The following TOX variants were observed in gnomAD, a reference collection of about 807,000 sequenced individuals.
TOX encodes the protein thymocyte selection associated high mobility group box.
A neutral mutation model predicts 53.7 loss-of-function variants in TOX; 11 were observed. The observed-to-expected ratio is 0.20, with a 90% CI of 0.13 to 0.34. The LOEUF (loss-of-function observed/expected upper bound fraction) is 0.34. TOX is among the 10% of genes least tolerant of loss of function. TOX has a pLI of 1.00. For missense variants in TOX, 570 were observed against 664.6 expected (o/e 0.86, Z 1.56); for synonymous variants, 225 against 245.3 (o/e 0.92, Z 0.77).
chr8:59,034,238 TA>T (rs1814413875), intron 1 of TOX, among the ~76,000 whole-genome samples: 1 of 152,204 alleles, frequency 6.6e-6, no homozygotes, highest in Non-Finnish European at 1.5e-5. Flanking sequence ...AAACGATCAT[TA>T]ATAAGTTAAC....
chr8:58,986,416 A>G (rs1489936429), intron 1 of TOX, among the ~76,000 whole-genome samples: 1 of 152,224 alleles, frequency 6.6e-6, no homozygotes, highest in Non-Finnish European at 1.5e-5. Flanking sequence ...CCTGGTACTG[A>G]GTTCATGCAG....
intron 1 of TOX, among the ~76,000 whole-genome samples, chr8:59,067,300 T>A (rs1043225114): frequency 1.3e-5 from 2 of 152,190 alleles, no homozygotes; most frequent in African/African-American, 4.8e-5. Flanking sequence ...ACCCCCATAA[T>A]CCCAGCACTT....
intron 4 of TOX, among the ~76,000 whole-genome samples, chr8:58,847,636 T>G (rs1046647697): frequency 6.6e-6 from 1 of 151,764 alleles, no homozygotes; most frequent in African/African-American, 2.4e-5. Flanking sequence ...GAATGAAAAT[T>G]TCCCCAAAAT....
At chr8:59,081,319 G>A (rs1396440094) in intron 1 of TOX, among the ~76,000 whole-genome samples, 1 of 152,132 alleles carries the variant, frequency 6.6e-6, no homozygotes. Flanking sequence ...CAGCTGCTGT[G>A]CCGGGCCAGG....
At chr8:58,956,704 C>G (rs1237242602) in intron 2 of TOX, among the ~76,000 whole-genome samples, 1 of 152,278 alleles carries the variant, frequency 6.6e-6, no homozygotes, top group African/African-American at 2.4e-5. Context: ...TGGGTTCAAG[C>G]GATTCTCCTG....
chr8:58,823,896 G>A lies in TOX; in HGVS notation c.1005+2926C>T. Among the ~76,000 whole-genome samples, 2 of 152,174 alleles carry A rather than the reference G, an allele frequency of 1.3e-5. 1 individual carries two copies. Among genetic ancestry groups the A allele is most frequent in the Non-Finnish European group, 2.9e-5 (2 of 68,028 alleles). ...CCTAGAAATGCAAAGTCATATTTGG[G>A]GAAATGAATGCCTTGCCTAGAAAAT... On this transcript the variant is annotated intron_variant, in intron 6 of 8. Transcript: ENST00000361421.
intron 3 of TOX, among the ~76,000 whole-genome samples, chr8:58,911,088 C>A (rs1180124621): frequency 1.3e-5 from 2 of 151,570 alleles, no homozygotes; most frequent in East Asian, 3.9e-4. Context: ...CTCTAGTGTA[C>A]TTTGCAGTCT....
At chr8:59,036,100 TCTCGAAG>T (rs1814453592) in intron 1 of TOX, among the ~76,000 whole-genome samples, 1 of 152,174 alleles carries the variant, frequency 6.6e-6, no homozygotes, top group South Asian at 2.1e-4. Context: ...TTCAGAGTAT[TCTCGAAG>T]CTCAGGAAAA....
chr8:58,944,731 A>G (rs2129177011), intron 2 of TOX, among the ~76,000 whole-genome samples: 1 of 152,370 alleles, frequency 6.6e-6, no homozygotes, highest in South Asian at 2.1e-4. Flanking sequence ...AAAGTTCTGG[A>G]TAAACAATGG....
chr8:58,975,287 GA>G, intron 1 of TOX, among the ~76,000 whole-genome samples: 1 of 151,888 alleles, frequency 6.6e-6, no homozygotes, highest in Non-Finnish European at 1.5e-5. Flanking sequence ...GAGAGAGAGA[GA>G]GGGGAGATTG....
Position 59,047,131 on chromosome 8 carries a change from C to G in TOX, c.102+71755G>C, listed in dbSNP as rs141275059. On this transcript the variant is annotated intron_variant, in intron 1 of 8. Transcript: ENST00000361421. ...TTCTGCTCACAGCTAGCAGCAGTAC[C>G]TACCTGCACTCACTGTGCAAACTAA... Among the ~76,000 whole-genome samples, 531 of 150,858 alleles carry G rather than the reference C, an allele frequency of 3.5e-3. 5 individuals carry two copies. Among genetic ancestry groups the G allele is most frequent in the Non-Finnish European group, 4.7e-3 (316 of 67,850 alleles).
chr8:58,999,426 A>C (rs918030394), intron 1 of TOX, among the ~76,000 whole-genome samples: 1 of 152,126 alleles, frequency 6.6e-6, no homozygotes, highest in African/African-American at 2.4e-5. Flanking sequence ...AGAAACTAAG[A>C]AGTCAACAAA....
intron 3 of TOX, among the ~76,000 whole-genome samples, chr8:58,903,210 G>A (rs1360120524): frequency 1.3e-5 from 2 of 152,186 alleles, no homozygotes; most frequent in Non-Finnish European, 2.9e-5. Context: ...AACTGGTGGT[G>A]TTGAACACAG....
chr8:58,887,543 A>T (rs1309133569), intron 3 of TOX, among the ~76,000 whole-genome samples: 1 of 151,956 alleles, frequency 6.6e-6, no homozygotes, highest in Non-Finnish European at 1.5e-5. Context: ...ATTTACAAGG[A>T]ATTGAGCAAA....
intron 1 of TOX, among the ~76,000 whole-genome samples, chr8:59,065,112 A>G (rs1804063576): frequency 6.6e-6 from 1 of 152,248 alleles, no homozygotes; most frequent in Non-Finnish European, 1.5e-5. Flanking sequence ...GACAGCAAAT[A>G]GTAACTCCTT....
chr8:58,927,060 TTC>T (rs1812175350), intron 3 of TOX, among the ~76,000 whole-genome samples: 2 of 151,990 alleles, frequency 1.3e-5, no homozygotes, highest in African/African-American at 2.4e-5. Context: ...TTTTTTTTTT[TTC>T]TTTTATAGCT....
chr8:59,112,354 T>C (rs918325896), intron 1 of TOX, among the ~76,000 whole-genome samples: 2 of 152,214 alleles, frequency 1.3e-5, no homozygotes, highest in East Asian at 3.8e-4. Flanking sequence ...ATAAACCACA[T>C]TTCTAAGCAG....
chr8:59,027,941 A>G (rs548079219), intron 1 of TOX, among the ~76,000 whole-genome samples: 207 of 152,274 alleles, frequency 1.4e-3, no homozygotes, highest in African/African-American at 4.7e-3. Flanking sequence ...CTGATATCCC[A>G]TGTGAATTAT....
At chr8:58,990,336 A>G (rs1224973390) in intron 1 of TOX, among the ~76,000 whole-genome samples, 1 of 152,076 alleles carries the variant, frequency 6.6e-6, no homozygotes, top group Non-Finnish European at 1.5e-5. Context: ...TGTTTTTTCA[A>G]TCCCTGGATA....
Sources: gnomAD v4.1 joint callset for allele counts (sites outside exome capture counted in the v4.1 genomes callset) on GRCh38, gnomAD v4.1.1 for gene constraint, MANE v1.5 for transcripts, NCBI Gene and HGNC (gene_info 2026-07-23, HGNC 2026-07-21) for gene names.